The following DHX40 variants were observed in gnomAD, a reference collection of about 807,000 sequenced individuals.
DHX40 encodes DEAH-box helicase 40.
DHX40 carries 28 observed loss-of-function variants against 89.6 expected under a neutral mutation model. The observed-to-expected ratio is 0.31, with a 90% CI of 0.23 to 0.43. The LOEUF is 0.43. DHX40 is among the 20% of genes least tolerant of loss of function. DHX40 has a pLI of 1.00. For missense variants in DHX40, 457 were observed against 844.0 expected, an observed-to-expected ratio of 0.54 and a Z score of 5.68; for synonymous variants, 226 against 283.6, an observed-to-expected ratio of 0.80 and a Z score of 2.04.
At chr17:59,591,852 A>G (rs1362872619) in intron 12 of DHX40, among the ~76,000 whole-genome samples, 1 of 151,828 alleles carries the variant, frequency 6.6e-6, no homozygotes, top group Non-Finnish European at 1.5e-5. Flanking sequence ...ACCATAGTAC[A>G]TTAATCAAAA....
Position 59,605,483 on chromosome 17 carries a change from T to G in DHX40, c.2009T>G (p.Phe670Cys). ...EQETKLEWII[F>C]HEVLVTTKVY... is the part of the protein sequence containing the mutation. Reference sequence around the variant, plus strand: ...GAAACCAAACTTGAATGGATCATTTTTCATGAGGTATTGGTTACCACCAAA... The same window carrying G: ...GAAACCAAACTTGAATGGATCATTTGTCATGAGGTATTGGTTACCACCAAA... The change falls in exon 17 of 18, where the codon TTT becomes TGT. Residue 670 changes from phenylalanine to cysteine, a missense_variant. Physicochemically the swap from Phe to Cys is radical, Grantham distance 205 (BLOSUM62 -2). Coordinates refer to ENST00000251241, the MANE Select transcript of DHX40 (RefSeq NM_024612.5). The G allele has an allele frequency of 6.2e-7, 1 of 1,613,692 alleles. No homozygotes were observed. Among genetic ancestry groups the G allele is most frequent in the East Asian group, 2.2e-5 (1 of 44,864 alleles).
intron 7 of DHX40, among the ~76,000 whole-genome samples, chr17:59,576,783 A>G (rs577326613): frequency 9.9e-5 from 15 of 151,928 alleles, no homozygotes; most frequent in Non-Finnish European, 1.6e-4. Context: ...GTACATAGAC[A>G]TATATTATTC....
intron 7 of DHX40, among the ~76,000 whole-genome samples, chr17:59,576,597 CTA>C (rs778426138): frequency 7.2e-5 from 11 of 152,116 alleles, no homozygotes; most frequent in Admixed American, 3.9e-4. Flanking sequence ...TTCTTACTCT[CTA>C]TTGAAGCATA....
intron 14 of DHX40, among the ~76,000 whole-genome samples, chr17:59,601,385 C>T (rs752100944): frequency 6.6e-6 from 1 of 151,994 alleles, no homozygotes; most frequent in African/African-American, 2.4e-5. Context: ...TTCTCTGTTT[C>T]GTTATGAGTG....
intron 12 of DHX40, among the ~76,000 whole-genome samples, chr17:59,597,315 GTT>G (rs1399030167): frequency 1.2e-5 from 1 of 80,320 alleles, no homozygotes; most frequent in Non-Finnish European, 2.4e-5. Flanking sequence ...TGGTGATACT[GTT>G]TGTTGATCTG....
chr17:59,588,235 A>C lies in DHX40; in HGVS notation c.1582+182A>C, dbSNP rs1159658861. Among the ~76,000 whole-genome samples the C allele has an allele frequency of 4.0e-5, 6 of 149,626 alleles. No individual in the cohort carries two copies. In the East Asian group the frequency reaches 5.8e-4, roughly 14 times the overall value. ...CATCTCTACTAAAAAAAAAAAAAAA[A>C]AAAAAACCAAAAACAAAATTAATAG... On this transcript the variant is annotated intron_variant, in intron 12 of 17. Coordinates refer to ENST00000251241, the MANE Select transcript of DHX40 (RefSeq NM_024612.5).
At position 59,573,160 on chromosome 17, in the gene DHX40, T is replaced by C; in HGVS notation, c.471T>C (p.His157=). ...TGACTGATGGATGTTTACTGAAACA[T>C]ATTCTGGGAGACCCAAATCTTACCA... ...KYMTDGCLLK[H]ILGDPNLTKF... Residue 157 remains histidine, a synonymous_variant, in exon 4 of 18, where the codon CAT becomes CAC. Transcript: ENST00000251241. 6.2e-7 allele frequency: 1 copy of C among 1,613,670 alleles called. No homozygotes were observed. Among genetic ancestry groups the C allele is most frequent in the Non-Finnish European group, 8.5e-7 (1 of 1,179,826 alleles).
chr17:59,602,909 G>T (rs548009460), intron 15 of DHX40, among the ~76,000 whole-genome samples: 31 of 152,148 alleles, frequency 2.0e-4, no homozygotes, highest in Non-Finnish European at 4.4e-4. Flanking sequence ...GTGGCCCTGT[G>T]TATAGTGTGA....
At position 59,577,331 on chromosome 17, in the gene DHX40, A is replaced by G. The variant is rs2048899215; in HGVS notation, c.1039A>G (p.Ile347Val). 6.2e-7 allele frequency: 1 copy of G among 1,613,922 alleles called. No individual in the cohort carries two copies. Among genetic ancestry groups the G allele is most frequent in the Non-Finnish European group, 8.5e-7 (1 of 1,179,844 alleles). ...GIRKCVISTNISATSLTIDGI... is the reference protein window; with the variant it reads ...GIRKCVISTNVSATSLTIDGI... ...TAGAAAATGTGTCATATCCACCAAT[A>G]TTTCTGCAACGTCTTTGACAATAGA... Residue 347 changes from isoleucine to valine, a missense_variant, in exon 8 of 18, where the codon ATT becomes GTT. Transcript: ENST00000251241.
Position 59,565,912 on chromosome 17 carries a change from C to A in DHX40, c.112+129C>A, listed in dbSNP as rs115460035. 9.7e-4 allele frequency: 764 copies of A among 790,834 alleles called. 5 individuals carry two copies. In the African/African-American group the frequency reaches 0.013, roughly 13 times the overall value. 49.0% of individuals were successfully genotyped at this position (790,834 alleles called of 1,614,324 possible). On this transcript the variant is annotated intron_variant, in intron 1 of 17. Coordinates refer to ENST00000251241, the MANE Select transcript of DHX40 (RefSeq NM_024612.5). ...AAGCCGTGGCGTTCTCCTGGCTTTC[C>A]AAGCCCGAGGCGAACTTTGCGTCCA...
chr17:59,596,351 G>C (rs1373379030), intron 12 of DHX40, among the ~76,000 whole-genome samples: 1 of 152,260 alleles, frequency 6.6e-6, no homozygotes, highest in Non-Finnish European at 1.5e-5. Flanking sequence ...CGGATCACCT[G>C]AGGTCAGGAG....
intron 7 of DHX40, among the ~76,000 whole-genome samples, chr17:59,576,877 T>G (rs995413485): frequency 4.6e-5 from 7 of 152,020 alleles, no homozygotes; most frequent in Admixed American, 2.0e-4. Flanking sequence ...GTTTTTTTTT[T>G]TTTGTTTTTT....
intron 5 of DHX40, 26 bp downstream of exon 5, chr17:59,573,993 CT>C: frequency 1.6e-6 from 2 of 1,249,488 alleles, no homozygotes; most frequent in Non-Finnish European, 2.2e-6. Flanking sequence ...CATTTAATGT[CT>C]TTTTTAAATA....
At chr17:59,604,949 A>G in intron 15 of DHX40, 166 bp from the exon 16 acceptor site, 1 of 613,678 alleles carries the variant, frequency 1.6e-6, no homozygotes, top group East Asian at 2.8e-5. Context: ...TTAATTTAAG[A>G]TGAATTGGTA....
At chr17:59,604,181 G>A (rs1346111299) in intron 15 of DHX40, 1 of 152,176 alleles carries the variant, frequency 6.6e-6, no homozygotes, top group African/African-American at 2.4e-5. Context: ...TTATAGTCAT[G>A]TCGGAGAATG....
At chr17:59,595,272 G>A (rs2029959963) in intron 12 of DHX40, among the ~76,000 whole-genome samples, 1 of 151,540 alleles carries the variant, frequency 6.6e-6, no homozygotes, top group Non-Finnish European at 1.5e-5. Flanking sequence ...TAGTAGAGAT[G>A]GGGTTTCTCC....
chr17:59,601,377 C>A (rs958402416), intron 14 of DHX40, among the ~76,000 whole-genome samples: 5 of 152,142 alleles, frequency 3.3e-5, no homozygotes, highest in African/African-American at 1.2e-4. Context: ...GTTATAATTT[C>A]TCTGTTTCGT....
chr17:59,590,011 C>T (rs892142431), intron 12 of DHX40, among the ~76,000 whole-genome samples: 4 of 151,652 alleles, frequency 2.6e-5, no homozygotes, highest in East Asian at 1.9e-4. Flanking sequence ...ACGCCCAGCC[C>T]GGCGTTAATT....
Position 59,607,925 on chromosome 17 carries a change from G to A in DHX40, c.*753G>A, listed in dbSNP as rs1356741486. 6.5e-6 allele frequency: 1 copy of A among 152,710 alleles called. No homozygotes were observed. Among genetic ancestry groups the A allele is most frequent in the Non-Finnish European group, 1.5e-5 (1 of 68,010 alleles). 9.5% of individuals were successfully genotyped at this position (152,710 alleles called of 1,614,324 possible). On this transcript the variant is annotated 3_prime_UTR_variant, in exon 18 of 18. Transcript: ENST00000251241. ...TATATATATAAGTTCTTTTTTAGCT[G>A]TACCTACGTACTTATATCAGCACCA...
Sources: gnomAD v4.1 joint callset for allele counts (sites outside exome capture counted in the v4.1 genomes callset) on GRCh38, gnomAD v4.1.1 for gene constraint, MANE v1.5 for transcripts, NCBI Gene and HGNC (gene_info 2026-07-23, HGNC 2026-07-21) for gene names.